NDRG4: variants seen among roughly 807,000 people sequenced by gnomAD.
NDRG4 encodes the protein protein NDRG4.
NDRG4 carries 38 observed loss-of-function variants against 55.8 expected under a neutral mutation model. The observed-to-expected ratio is 0.68, with a 90% confidence interval of 0.53 to 0.89. The LOEUF (loss-of-function observed/expected upper bound fraction) is 0.89. Ranked by LOEUF, NDRG4 falls within the 40% of genes least tolerant of loss-of-function variation. The probability of loss-of-function intolerance (pLI) is 0.00; values close to 1 mark genes in which losing one functional copy is unlikely to be tolerated. For synonymous variants in NDRG4, 190 were observed against 182.7 expected (o/e 1.04, Z -0.32); for missense variants, 455 against 468.6 (o/e 0.97, Z 0.27).
Position 58,506,392 on chromosome 16 carries a change from C to T in NDRG4, c.378C>T (p.Ile126=). 1 of 1,613,856 alleles carries T rather than the reference C, an allele frequency of 6.2e-7. No homozygotes were observed. Among genetic ancestry groups the T allele is most frequent in the Non-Finnish European group, 8.5e-7 (1 of 1,179,982 alleles). The change falls in exon 6 of 15, where the codon ATC becomes ATT. Residue 126 remains isoleucine (I), a synonymous_variant. Coordinates refer to ENST00000570248, the MANE Select transcript of NDRG4 (RefSeq NM_001242835.2). The stretch of plus-strand genomic sequence containing the variant: ...TGTTTCCCCTCTTACTGCAGCTCAT[C>T]TTCCCCGACCTGGTGGAGGGGCTGG... ...GAYVLAKFAL[I]FPDLVEGLVL...
At chr16:58,505,193 C>CAA (rs1023099873) in intron 5 of NDRG4, among the ~76,000 whole-genome samples, 1 of 151,808 alleles carries the variant, frequency 6.6e-6, no homozygotes, top group East Asian at 1.9e-4. Context: ...ACTAAAAATA[C>CAA]AAAAAATTAG....
At chr16:58,503,621 A>C (rs2037447077) in intron 1 of NDRG4, 177 bp from the exon 2 acceptor site, 2 of 1,247,644 alleles carry the variant, frequency 1.6e-6, no homozygotes, top group East Asian at 5.1e-5. Context: ...CAGCCCTGAG[A>C]AGGGGTGTTC....
intron 1 of NDRG4, chr16:58,501,113 C>T: frequency 2.5e-6 from 3 of 1,204,516 alleles, no homozygotes; most frequent in Non-Finnish European, 3.1e-6. Context: ...GAGGGAGAGG[C>T]AGGGGCAGAC....
At chr16:58,513,873 G>A (rs1470854399), downstream of NDRG4, among the ~76,000 whole-genome samples, 1 of 152,196 alleles carries the variant, frequency 6.6e-6, no homozygotes, top group East Asian at 1.9e-4. Context: ...CAGGAGAATC[G>A]CTTGAACCTA....
chr16:58,492,994 C>T (rs372074152), intron 2 of NDRG4, among the ~76,000 whole-genome samples: 1 of 152,084 alleles, frequency 6.6e-6, no homozygotes, highest in Non-Finnish European at 1.5e-5. Context: ...ATGTGACAGT[C>T]GCAGGCAGCC....
At chr16:58,487,940 C>CGGAG (rs1321564414) in intron 2 of NDRG4, 1 of 1,034,826 alleles carries the variant, frequency 9.7e-7, no homozygotes, top group African/African-American at 1.6e-5. Context: ...TGCAGCCGAC[C>CGGAG]CTCCCTAGGG....
intron 2 of NDRG4, among the ~76,000 whole-genome samples, chr16:58,491,261 G>A (rs185020921): frequency 6.6e-6 from 1 of 152,178 alleles, no homozygotes; most frequent in Non-Finnish European, 1.5e-5. Flanking sequence ...GGGAGACAGA[G>A]TAAGACTCTG....
chr16:58,485,658 C>T (rs940608773), intron 1 of NDRG4, among the ~76,000 whole-genome samples: 5 of 152,068 alleles, frequency 3.3e-5, no homozygotes, highest in African/African-American at 1.2e-4. Context: ...GAAATGGGAG[C>T]GGGAGAGCCT....
At chr16:58,480,634 C>A (rs1032123854) in intron 1 of NDRG4, among the ~76,000 whole-genome samples, 1 of 152,200 alleles carries the variant, frequency 6.6e-6, no homozygotes, top group Non-Finnish European at 1.5e-5. Context: ...ACAGGTCAGC[C>A]GTGGAGATTT....
At chr16:58,514,360 A>T (rs1052982059), downstream of NDRG4, among the ~76,000 whole-genome samples, 4 of 152,164 alleles carry the variant, frequency 2.6e-5, no homozygotes, top group Non-Finnish European at 4.4e-5. Flanking sequence ...CAACATACCA[A>T]TCCTTACATT....
intron 1 of NDRG4, among the ~76,000 whole-genome samples, chr16:58,467,758 A>G (rs9939246): frequency 0.051 from 7,769 of 152,166 alleles, 636 homozygotes; most frequent in African/African-American, 0.17. Flanking sequence ...CGTGGTGCCT[A>G]CCTGGCTGGG....
At chr16:58,463,882 G>GCCCAGCCCCGAGCACGAC (rs1320825922) in intron 1 of NDRG4, 4 of 120,944 alleles carry the variant, frequency 3.3e-5, no homozygotes, top group Non-Finnish European at 6.8e-5. Context: ...GCCCAGCCCA[G>GCCCAGCCCCGAGCACGAC]CCCAGCCCCG....
chr16:58,507,627 TGA>T (rs1341127132), intron 8 of NDRG4, 179 bp from the exon 9 acceptor site: 2 of 604,874 alleles, frequency 3.3e-6, no homozygotes, highest in East Asian at 5.6e-5. Flanking sequence ...GAGCAAAATT[TGA>T]GAGCCCACCT....
chr16:58,488,544 G>C (rs1218933287), intron 2 of NDRG4, among the ~76,000 whole-genome samples: 1 of 152,060 alleles, frequency 6.6e-6, no homozygotes, highest in African/African-American at 2.4e-5. Flanking sequence ...TCAGGGCTGG[G>C]GTCCCTGCAA....
At chr16:58,504,556 T>C (rs760262142) in intron 4 of NDRG4, 33 bp from the exon 5 acceptor site, 1 of 1,613,950 alleles carries the variant, frequency 6.2e-7, no homozygotes, top group South Asian at 1.1e-5. Flanking sequence ...ATGGCACCCC[T>C]AGCCCTAGAG....
At chr16:58,475,705 T>C (rs1262612705) in intron 1 of NDRG4, 1 of 454,412 alleles carries the variant, frequency 2.2e-6, no homozygotes, top group Non-Finnish European at 4.4e-6. Context: ...ACCTTTAGAA[T>C]CCTGCCTTTG....
upstream of NDRG4, among the ~76,000 whole-genome samples, chr16:58,495,217 T>C (rs551181224): frequency 7.7e-4 from 116 of 151,540 alleles, no homozygotes; most frequent in African/African-American, 2.4e-3. Flanking sequence ...GAAAAGAGAG[T>C]GAGGGATGTT....
chr16:58,476,167 C>T (rs1374308811), intron 1 of NDRG4, among the ~76,000 whole-genome samples: 2 of 152,312 alleles, frequency 1.3e-5, no homozygotes, highest in Middle Eastern at 3.4e-3. Flanking sequence ...CAGAACATCA[C>T]GTCATCATAA....
chr16:58,501,982 C>T (rs2037207452), intron 1 of NDRG4: 1 of 455,866 alleles, frequency 2.2e-6, no homozygotes, highest in East Asian at 7.0e-5. Context: ...GCCCCACCCT[C>T]CAGAGCTGAG....
Sources: allele counts gnomAD v4.1 joint callset (sites outside exome capture counted in the v4.1 genomes callset), GRCh38; gene constraint gnomAD v4.1.1; transcripts MANE v1.5; gene names NCBI Gene and HGNC (gene_info 2026-07-23, HGNC 2026-07-21).